NBEA: variants seen among roughly 807,000 people sequenced by gnomAD.
The protein encoded by NBEA is lysosomal-trafficking regulator 2.
A neutral mutation model predicts 343.4 loss-of-function variants in NBEA; 44 were observed. The ratio of observed to expected loss-of-function variants is 0.13; its 90% CI spans 0.10 to 0.16. The LOEUF is 0.16. NBEA is among the 10% of genes least tolerant of loss of function. The probability of loss-of-function intolerance (pLI) is 1.00; values close to 1 mark genes in which losing one functional copy is unlikely to be tolerated. For missense variants in NBEA, 2,555 were observed against 3,631.3 expected (o/e 0.70, Z 7.62); for synonymous variants, 1,175 against 1,238.7 (o/e 0.95, Z 1.08).
intron 34 of NBEA, among the ~76,000 whole-genome samples, chr13:35,262,307 A>AC (rs1566535953): frequency 6.6e-6 from 1 of 152,206 alleles, no homozygotes; most frequent in Non-Finnish European, 1.5e-5. Flanking sequence ...TAATTATATG[A>AC]CCGAGTAATC....
intron 38 of NBEA, among the ~76,000 whole-genome samples, chr13:35,400,196 TAAAAAAAAAAAAA>T (rs71081251): frequency 2.6e-5 from 2 of 78,226 alleles, no homozygotes; most frequent in African/African-American, 4.9e-5. Context: ...CTTCAATTTG[TAAAAAAAAAAAAA>T]AAAAAAAAAA....
rs578009263 is a variant in NBEA, at chr13:35,368,326, A to G, written c.6179+16003A>G. On this transcript the variant is annotated intron_variant, in intron 38 of 58. Coordinates refer to ENST00000379939, the MANE Select transcript of NBEA (RefSeq NM_001385012.1). ...AAATTTGATCAATAAAATAGTAATC[A>G]TCTTATAAAGAAACCTAAATATACT... Among the ~76,000 whole-genome samples, 19 of 151,604 alleles carry G rather than the reference A, an allele frequency of 1.3e-4. No homozygotes were observed. The South Asian group carries it at 3.5e-3, about 28-fold the overall frequency.
intron 30 of NBEA, among the ~76,000 whole-genome samples, chr13:35,192,642 G>C (rs931620378): frequency 6.6e-6 from 1 of 151,786 alleles, no homozygotes; most frequent in African/African-American, 2.4e-5. Context: ...TTGTAATCTA[G>C]AGATCAACAT....
rs922400585 is a variant in NBEA, at chr13:35,667,435, A to C, written c.8526A>C (p.Glu2842Asp). Reference sequence around the variant, plus strand: ...TGCTGAGAGCCCTTGAAGGACCAGAAAACTGCTTATTCCCACGCTTGATAT... The same window carrying C: ...TGCTGAGAGCCCTTGAAGGACCAGACAACTGCTTATTCCCACGCTTGATAT... Reference protein sequence around the residue: ...GDLLRALEGPENCLFPRLISV... With the variant: ...GDLLRALEGPDNCLFPRLISV... The change falls in exon 57 of 59, where the codon GAA becomes GAC. Residue 2842 changes from glutamate to aspartate, a missense_variant. Glu to Asp is a conservative substitution (Grantham distance 45, BLOSUM62 2). Transcript: ENST00000379939. The C allele has an allele frequency of 6.2e-6, 10 of 1,613,912 alleles. No individual in the cohort carries two copies. Among genetic ancestry groups the C allele is most frequent in the Non-Finnish European group, 8.5e-6 (10 of 1,179,906 alleles).
chr13:35,279,103 T>C (rs946139801), intron 34 of NBEA, among the ~76,000 whole-genome samples: 1 of 152,188 alleles, frequency 6.6e-6, no homozygotes, highest in Non-Finnish European at 1.5e-5. Flanking sequence ...ATTCATTAGG[T>C]ATACAATGTA....
intron 41 of NBEA, among the ~76,000 whole-genome samples, chr13:35,507,786 C>T (rs1174580887): frequency 2.0e-5 from 3 of 152,088 alleles, no homozygotes; most frequent in East Asian, 1.9e-4. Flanking sequence ...GAATGCACCC[C>T]GTACAATGAA....
At chr13:35,249,160 A>C (rs2031637914) in intron 34 of NBEA, among the ~76,000 whole-genome samples, 1 of 151,738 alleles carries the variant, frequency 6.6e-6, no homozygotes, top group Non-Finnish European at 1.5e-5. Context: ...ACAAAAAAAA[A>C]AAAAAAAAAA....
intron 25 of NBEA, among the ~76,000 whole-genome samples, chr13:35,169,323 G>A (rs945669953): frequency 3.3e-5 from 5 of 151,460 alleles, no homozygotes; most frequent in African/African-American, 1.2e-4. Flanking sequence ...AATTGTATGA[G>A]AGTGATCTTT....
Position 34,978,596 on chromosome 13 carries a change from C to T in NBEA, c.294+35482C>T, listed in dbSNP as rs537828916. Among the ~76,000 whole-genome samples the T allele has an allele frequency of 3.9e-5, 6 of 152,268 alleles. 1 individual carries two copies. In the South Asian group the frequency reaches 8.3e-4, roughly 21 times the overall value. On this transcript the variant is annotated intron_variant, in intron 1 of 58. Transcript: ENST00000379939. ...ATTATAGTCATCCCAGAGAGTTCCT[C>T]GTACTCCTTTCCAGTTAATCCCTAC...
intron 1 of NBEA, among the ~76,000 whole-genome samples, chr13:35,012,671 A>G (rs977373969): frequency 6.6e-6 from 1 of 152,234 alleles, no homozygotes; most frequent in Non-Finnish European, 1.5e-5. Context: ...TTAATGATCA[A>G]TTATAGTTCA....
At chr13:35,215,416 T>G (rs2152756714) in intron 33 of NBEA, among the ~76,000 whole-genome samples, 1 of 151,842 alleles carries the variant, frequency 6.6e-6, no homozygotes, top group African/African-American at 2.4e-5. Flanking sequence ...ATTAGATTTT[T>G]TGCTGTAAAT....
intron 38 of NBEA, among the ~76,000 whole-genome samples, chr13:35,374,859 G>T (rs2041651540): frequency 6.6e-6 from 1 of 151,794 alleles, no homozygotes; most frequent in African/African-American, 2.4e-5. Flanking sequence ...TTTTCTCACT[G>T]TTATAACAGT....
intron 44 of NBEA, among the ~76,000 whole-genome samples, chr13:35,561,562 T>A (rs1196683370): frequency 6.6e-6 from 1 of 152,198 alleles, no homozygotes; most frequent in African/African-American, 2.4e-5. Context: ...AAAAATATTA[T>A]TTTAGTATGA....
At chr13:35,206,588 T>G (rs1021936160) in intron 31 of NBEA, among the ~76,000 whole-genome samples, 1 of 152,124 alleles carries the variant, frequency 6.6e-6, no homozygotes, top group Non-Finnish European at 1.5e-5. Flanking sequence ...TTTCTGTTGA[T>G]TTTTATGTAG....
intron 11 of NBEA, among the ~76,000 whole-genome samples, chr13:35,100,518 T>C (rs2065591096): frequency 6.6e-6 from 1 of 152,018 alleles, no homozygotes; most frequent in South Asian, 2.1e-4. Context: ...AATGCCTTTG[T>C]AAGATTACTG....
chr13:35,346,056 A>T (rs918615434), intron 36 of NBEA, among the ~76,000 whole-genome samples: 4 of 152,062 alleles, frequency 2.6e-5, no homozygotes, highest in Non-Finnish European at 4.4e-5. Context: ...AAGATAGGGG[A>T]ACAGACTAAA....
At chr13:35,534,047 T>C (rs4143549) in intron 41 of NBEA, among the ~76,000 whole-genome samples, 72,006 of 152,038 alleles carry the variant, frequency 0.47, 18,509 homozygotes, top group East Asian at 0.76. Context: ...ATAGGTTAAT[T>C]GTTTTTATTG....
At chr13:35,075,289 G>C (rs2064064103) in intron 10 of NBEA, among the ~76,000 whole-genome samples, 2 of 152,098 alleles carry the variant, frequency 1.3e-5, no homozygotes, top group Admixed American at 1.3e-4. Context: ...CATAGCGTCT[G>C]TACATAGCAT....
Position 35,234,078 on chromosome 13 carries a change from C to G in NBEA, c.5776+1459C>G, listed in dbSNP as rs2075108359. On this transcript the variant is annotated intron_variant, in intron 34 of 58. Coordinates refer to ENST00000379939, the MANE Select transcript of NBEA (RefSeq NM_001385012.1). ...AGATGTTCTTGGTATGATCTACCAA[C>G]AGCAAAAATGCCAGTCTCATGTGAA... Among the ~76,000 whole-genome samples the G allele has an allele frequency of 1.3e-5, 2 of 152,120 alleles. 1 individual carries two copies. Among genetic ancestry groups the G allele is most frequent in the South Asian group, 4.1e-4 (2 of 4,830 alleles).
Sources: gnomAD v4.1 joint callset for allele counts (sites outside exome capture counted in the v4.1 genomes callset) on GRCh38, gnomAD v4.1.1 for gene constraint, MANE v1.5 for transcripts, NCBI Gene and HGNC (gene_info 2026-07-23, HGNC 2026-07-21) for gene names.